Variants in STRN3 observed in about 807,000 individuals in gnomAD.
STRN3 encodes striatin 3.
In STRN3, 29 loss-of-function variants were observed where a neutral mutation model predicts 95.6. The observed-to-expected ratio is 0.30, with a 90% CI of 0.23 to 0.41. The LOEUF (loss-of-function observed/expected upper bound fraction) is 0.41, where lower values mean the gene tolerates loss of function less well. Ranked by LOEUF, STRN3 falls within the 10% of genes least tolerant of loss-of-function variation. The pLI is 1.00. For missense variants in STRN3, 890 were observed against 972.1 expected, an observed-to-expected ratio of 0.92 and a Z score of 1.12; for synonymous variants, 331 against 357.6, an observed-to-expected ratio of 0.93 and a Z score of 0.84.
chr14:31,017,129 G>A lies in STRN3; in HGVS notation c.282+8775C>T, dbSNP rs945132031. ...TGATTGTTTTACTGCACTCCAGCCT[G>A]GGTGACAGACTGAGACCCTGTCTCA... On this transcript the variant is annotated intron_variant, in intron 1 of 17. Coordinates refer to ENST00000357479, the MANE Select transcript of STRN3 (RefSeq NM_001083893.2). 3.2e-4 allele frequency among the ~76,000 whole-genome samples: 49 copies of A among 152,070 alleles called. 1 individual carries two copies. Among genetic ancestry groups the A allele is most frequent in the African/African-American group, 9.9e-4 (41 of 41,424 alleles).
intron 1 of STRN3, among the ~76,000 whole-genome samples, chr14:31,020,820 C>A (rs1444222202): frequency 3.3e-5 from 5 of 151,952 alleles, no homozygotes; most frequent in Admixed American, 3.3e-4. Flanking sequence ...GCAGGAGGAT[C>A]AGTTGAGCTC....
intron 1 of STRN3, among the ~76,000 whole-genome samples, chr14:30,999,009 G>A (rs1452857511): frequency 6.6e-6 from 1 of 152,142 alleles, no homozygotes; most frequent in African/African-American, 2.4e-5. Flanking sequence ...TATACACAGA[G>A]GAAAAGCAGT....
At chr14:30,988,941 C>A (rs1881819646) in intron 1 of STRN3, among the ~76,000 whole-genome samples, 2 of 152,106 alleles carry the variant, frequency 1.3e-5, no homozygotes, top group Admixed American at 6.6e-5. Context: ...CTAAGCCACC[C>A]CCTCTGGAAG....
At chr14:30,948,340 C>T (rs1231402340) in intron 4 of STRN3, among the ~76,000 whole-genome samples, 1 of 152,086 alleles carries the variant, frequency 6.6e-6, no homozygotes, top group Non-Finnish European at 1.5e-5. Flanking sequence ...CCTGGGTATA[C>T]AGATGTGGGT....
intron 1 of STRN3, among the ~76,000 whole-genome samples, chr14:30,956,632 T>A (rs577089152): frequency 1.3e-5 from 2 of 152,300 alleles, no homozygotes; most frequent in East Asian, 3.9e-4. Flanking sequence ...ACATCCCTTT[T>A]AAAATAAAGA....
intron 13 of STRN3, among the ~76,000 whole-genome samples, chr14:30,907,736 T>C (rs1896503576): frequency 1.3e-5 from 2 of 152,220 alleles, no homozygotes; most frequent in African/African-American, 4.8e-5. Context: ...CATGTATCAG[T>C]ACTCCATTTA....
chr14:30,948,594 C>T (rs1879482875), intron 4 of STRN3, among the ~76,000 whole-genome samples: 1 of 152,034 alleles, frequency 6.6e-6, no homozygotes, highest in South Asian at 2.1e-4. Flanking sequence ...TTCCAAGACA[C>T]CAATTATAAC....
intron 1 of STRN3, among the ~76,000 whole-genome samples, chr14:30,964,790 C>T (rs572310719): frequency 1.2e-3 from 178 of 152,100 alleles, no homozygotes; most frequent in Non-Finnish European, 1.8e-3. Flanking sequence ...TGTGGTGGCG[C>T]GCACCTGTAA....
At chr14:30,905,890 C>A (rs1340694156) in intron 14 of STRN3, among the ~76,000 whole-genome samples, 1 of 152,162 alleles carries the variant, frequency 6.6e-6, no homozygotes, top group African/African-American at 2.4e-5. Flanking sequence ...GGCCAATTTG[C>A]CAATTATACT....
At chr14:30,911,882 C>G (rs1177129985) in intron 11 of STRN3, 58 bp from the exon 12 acceptor site, 2 of 1,568,508 alleles carry the variant, frequency 1.3e-6, no homozygotes, top group African/African-American at 1.4e-5. Context: ...CTATGAATCA[C>G]TGGTTGATAT....
At chr14:30,960,922 C>T (rs1594500695) in intron 1 of STRN3, among the ~76,000 whole-genome samples, 1 of 149,866 alleles carries the variant, frequency 6.7e-6, no homozygotes, top group African/African-American at 2.5e-5. Flanking sequence ...AAATGAACAT[C>T]TGCCTGATAC....
At chr14:30,960,088 G>C (rs1880114286) in intron 1 of STRN3, among the ~76,000 whole-genome samples, 2 of 152,078 alleles carry the variant, frequency 1.3e-5, no homozygotes, top group African/African-American at 4.8e-5. Flanking sequence ...AGTACAGGGG[G>C]CTCATGCCTA....
chr14:30,904,205 C>T (rs916426677), intron 15 of STRN3, among the ~76,000 whole-genome samples: 1 of 152,078 alleles, frequency 6.6e-6, no homozygotes, highest in Admixed American at 6.6e-5. Context: ...AAATGAACAA[C>T]ATGAACCTAG....
chr14:31,024,352 TA>T (rs1407251277), intron 1 of STRN3, among the ~76,000 whole-genome samples: 1 of 152,340 alleles, frequency 6.6e-6, no homozygotes, highest in East Asian at 1.9e-4. Context: ...CACAGAAAAT[TA>T]AGTTTGCAGT....
intron 6 of STRN3, 40 bp downstream of exon 6, chr14:30,936,455 T>C (rs1566445110): frequency 1.3e-6 from 2 of 1,578,702 alleles, no homozygotes; most frequent in Admixed American, 1.9e-5. Flanking sequence ...TCCAACTACA[T>C]GAATATATAG....
chr14:30,967,170 T>C (rs1337964218), intron 1 of STRN3, among the ~76,000 whole-genome samples: 1 of 140,336 alleles, frequency 7.1e-6, no homozygotes, highest in Non-Finnish European at 1.5e-5. Context: ...GGTATTAGAG[T>C]AGCTCCACTC....
chr14:31,019,878 CTCATTTTCTTTTTTTTT>C (rs1883419103), intron 1 of STRN3, among the ~76,000 whole-genome samples: 1 of 140,494 alleles, frequency 7.1e-6, no homozygotes, highest in Non-Finnish European at 1.5e-5. Context: ...GTCCAGTTCA[CTCATTTTCTTTTTTTTT>C]TTTTTCTTTT....
chr14:30,981,111 A>C (rs1881373914), intron 1 of STRN3, among the ~76,000 whole-genome samples: 1 of 151,914 alleles, frequency 6.6e-6, no homozygotes, highest in African/African-American at 2.4e-5. Flanking sequence ...CAGGCGTTCA[A>C]GACCAGCCTG....
chr14:30,981,668 A>C (rs1881406819), intron 1 of STRN3, among the ~76,000 whole-genome samples: 1 of 152,024 alleles, frequency 6.6e-6, no homozygotes. Flanking sequence ...CTAATAACAG[A>C]AACAGTCCAG....
Sources: gnomAD v4.1 joint callset for allele counts (sites outside exome capture counted in the v4.1 genomes callset) on GRCh38, gnomAD v4.1.1 for gene constraint, MANE v1.5 for transcripts, NCBI Gene and HGNC (gene_info 2026-07-23, HGNC 2026-07-21) for gene names.